The following SALL2 variants were observed in gnomAD, a reference collection of about 807,000 sequenced individuals.
The protein encoded by SALL2 is spalt like transcription factor 2.
A neutral mutation model predicts 58.5 loss-of-function variants in SALL2; 32 were observed. The observed-to-expected ratio is 0.55, with a 90% CI of 0.41 to 0.74. SALL2 has a LOEUF of 0.74. Among genes scored for constraint, SALL2 ranks in the 30% least tolerant of loss-of-function variants. The pLI is 0.00. For missense variants in SALL2, 1,201 were observed against 1,268.9 expected (o/e 0.95, Z 0.81); for synonymous variants, 516 against 513.6 (o/e 1.00, Z -0.06).
chr14:21,532,155 A>G (rs191226294), intron 1 of SALL2, among the ~76,000 whole-genome samples: 2 of 152,342 alleles, frequency 1.3e-5, no homozygotes, highest in African/African-American at 4.8e-5. Context: ...TGAGAAAAAA[A>G]GAGAAAACAT....
At chr14:21,532,909 G>A (rs1892503438) in intron 1 of SALL2, among the ~76,000 whole-genome samples, 1 of 151,320 alleles carries the variant, frequency 6.6e-6, no homozygotes, top group Non-Finnish European at 1.5e-5. Context: ...CTCGCAGTGA[G>A]CCAAGATCGC....
rs1203875325 is a variant in SALL2, at chr14:21,522,902, A to C, written c.2820T>G (p.Cys940Trp). The change falls in exon 2 of 2, where the codon TGT (cysteine) becomes TGG (tryptophan). Residue 940 changes from cysteine to tryptophan, a missense_variant. Transcript: ENST00000537235. ...CAAGAAAGCCCTGCCTGCAGAAAAC[A>C]CAAGTGAAGAGCGGCCCCTCCTTGG... ...THPKEGPLFT[C>W]VFCRQGFLER... The C allele has an allele frequency of 6.2e-7, 1 of 1,612,832 alleles. No individual in the cohort carries two copies. The highest frequency in any genetic ancestry group is 8.5e-7 in the Non-Finnish European group (1 of 1,179,392).
Position 21,522,720 on chromosome 14 carries a change from T to C in SALL2, c.3002A>G (p.Asp1001Gly), listed in dbSNP as rs1192555820. 2.0e-6 allele frequency: 3 copies of C among 1,524,236 alleles called. No homozygotes were observed. The highest frequency in any genetic ancestry group is 2.8e-5 in the African/African-American group (2 of 71,658). 94.4% of individuals were successfully genotyped at this position (1,524,236 alleles called of 1,614,324 possible). A position where few individuals can be genotyped will look rare whatever the true frequency, so the allele number is the denominator to read the frequency against. The change falls in exon 2 of 2, where the codon GAC becomes GGC. Residue 1001 changes from aspartate (D) to glycine (G), a missense_variant. By Grantham distance (94) the Asp-to-Gly change is moderately conservative (BLOSUM62 -1). This residue lies in a region of SALL2 where 675 missense variants were observed against 683.8 expected (regional missense o/e 0.99). Coordinates refer to ENST00000537235, the MANE Select transcript of SALL2 (RefSeq NM_001364564.1). ...TGLSPFPRKD[D>G]PTIP is the part of the protein sequence containing the mutation. ...AAAACAGGCTCATGGGATCGTGGGG[T>C]CATCTTTTCGGGGAAAGGGGGAGAG...
chr14:21,530,516 G>A (rs1320212691), upstream of SALL2, among the ~76,000 whole-genome samples: 24 of 152,084 alleles, frequency 1.6e-4, no homozygotes, highest in Admixed American at 3.9e-4. Flanking sequence ...TCAAACTCCC[G>A]ACCTCAGGTG....
In SALL2 at chr14:21,523,131, C is replaced by T; in HGVS notation, c.2591G>A (p.Gly864Glu). 2 of 1,614,176 alleles carry T rather than the reference C, an allele frequency of 1.2e-6. No homozygotes were observed. The highest frequency in any genetic ancestry group is 2.2e-5 in the South Asian group (2 of 91,074). Residue 864 changes from glycine to glutamate, a missense_variant, in exon 2 of 2, where the codon GGG becomes GAG. Physicochemically the swap from Gly to Glu is moderately conservative, Grantham distance 98 (BLOSUM62 -2). Around this residue, in one of 3 missense-constraint regions of SALL2, gnomAD observed 675 missense variants for 683.8 expected, o/e 0.99. Coordinates refer to ENST00000537235, the MANE Select transcript of SALL2 (RefSeq NM_001364564.1). The surrounding 1 kb of genome is among the most constrained non-coding windows in gnomAD (Gnocchi z 4.4). ...SSGVLGGKEE[G>E]GKPERSSSPA... ...ACTTGAGCTTCTCTCCGGTTTGCCC[C>T]CCTCTTCCTTGCCTCCTAAAACACC... is the stretch of plus-strand genomic sequence containing the variant.
chr14:21,526,011 G>A (rs1366080011), intron 1 of SALL2, 50 bp downstream of exon 1: 3 of 1,395,740 alleles, frequency 2.1e-6, no homozygotes, highest in Non-Finnish European at 2.9e-6. Context: ...CCGCCCCTGC[G>A]CATCCCCCTC....
intron 1 of SALL2, among the ~76,000 whole-genome samples, chr14:21,532,608 C>G (rs574336106): frequency 6.6e-6 from 1 of 151,624 alleles, no homozygotes; most frequent in Non-Finnish European, 1.5e-5. Flanking sequence ...CCACTGCACT[C>G]CAGCCTGGGC....
intron 1 of SALL2, among the ~76,000 whole-genome samples, chr14:21,531,724 T>TTTTGAGACG (rs1566517929): frequency 7.0e-6 from 1 of 143,244 alleles, no homozygotes; most frequent in African/African-American, 2.6e-5. Context: ...TTTTTTTTTT[T>TTTTGAGACG]GAGACGGAGT....
At chr14:21,528,919 G>C (rs1262616354), upstream of SALL2, among the ~76,000 whole-genome samples, 1 of 152,166 alleles carries the variant, frequency 6.6e-6, no homozygotes, top group Non-Finnish European at 1.5e-5. Flanking sequence ...TCCAGTTGCT[G>C]TTTTGTCAAG....
Position 21,524,639 on chromosome 14 carries a change from C to G in SALL2, c.1083G>C (p.Met361Ile). 6.2e-7 allele frequency: 1 copy of G among 1,614,162 alleles called. No individual in the cohort carries two copies. Among genetic ancestry groups the G allele is most frequent in the Non-Finnish European group, 8.5e-7 (1 of 1,180,028 alleles). The change falls in exon 2 of 2, where the codon ATG (methionine) becomes ATC (isoleucine). Residue 361 changes from methionine to isoleucine, a missense_variant. Met to Ile is a conservative substitution (Grantham distance 10). Coordinates refer to ENST00000537235, the MANE Select transcript of SALL2 (RefSeq NM_001364564.1). ...GSGELSYGEVMGPLEKPGGRH... is the reference protein window; with the variant it reads ...GSGELSYGEVIGPLEKPGGRH... ...TTCCACCAGGCTTCTCCAAGGGACC[C>G]ATCACTTCTCCGTAGCTCAGCTCAC...
At position 21,522,523 on chromosome 14, in the gene SALL2, G is replaced by A; in HGVS notation, c.*181C>T. The A allele has an allele frequency of 7.2e-7, 1 of 1,386,094 alleles. No homozygotes were observed. The allele number at this position is 1,386,094 out of a possible 1,614,324, so 85.9% of individuals were successfully genotyped here. On this transcript the variant is annotated 3_prime_UTR_variant, in exon 2 of 2. Transcript: ENST00000537235. ...AGGAGGGAAGAAAAATTCCTTAGGG[G>A]GCCATCCCCTTGTAAGCACAGTAAT...
upstream of SALL2, among the ~76,000 whole-genome samples, chr14:21,527,805 G>A (rs1892361297): frequency 6.6e-6 from 1 of 151,296 alleles, no homozygotes; most frequent in African/African-American, 2.4e-5. Context: ...TCACACCTGT[G>A]AATAACCACT....
intron 1 of SALL2, among the ~76,000 whole-genome samples, chr14:21,535,484 C>T (rs530772621): frequency 3.2e-4 from 48 of 152,198 alleles, no homozygotes; most frequent in African/African-American, 1.2e-3. Flanking sequence ...ATGATAATAA[C>T]GATATTCACA....
chr14:21,530,517 A>G (rs1197371483), upstream of SALL2, among the ~76,000 whole-genome samples: 19 of 151,640 alleles, frequency 1.3e-4, no homozygotes, highest in Admixed American at 3.3e-4. Flanking sequence ...CAAACTCCCG[A>G]CCTCAGGTGA....
Position 21,523,867 on chromosome 14 carries a change from C to G in SALL2, c.1855G>C (p.Ala619Pro), listed in dbSNP as rs778182613. The change falls in exon 2 of 2, where the codon GCA (alanine) becomes CCA (proline). Residue 619 changes from alanine (A) to proline (P), a missense_variant. Around this residue, in one of 3 missense-constraint regions of SALL2, gnomAD observed 675 missense variants for 683.8 expected, o/e 0.99. Transcript: ENST00000537235. The surrounding 1 kb of genome is among the most constrained non-coding windows in gnomAD (Gnocchi z 4.4). ...ASGAPTTSAP[A>P]PSSSASSGPN... ...CCAGAAGAGGCTGAGGATGAAGGTG[C>G]AGGGGCAGAGGTGGTGGGGGCTCCT... is the stretch of plus-strand genomic sequence containing the variant. 11 of 1,614,072 alleles carry G rather than the reference C, an allele frequency of 6.8e-6. No homozygotes were observed. Among genetic ancestry groups the G allele is most frequent in the Non-Finnish European group, 7.6e-6 (9 of 1,180,050 alleles).
At position 21,526,243 on chromosome 14, in the gene SALL2, A is replaced by C. The variant is rs1892305537; in HGVS notation, c.-116T>G. On this transcript the variant is annotated 5_prime_UTR_variant, in exon 1 of 2. Transcript: ENST00000537235. The stretch of plus-strand genomic sequence containing the variant: ...CTGCACCCAGCGGCCCAGACTGCGG[A>C]GATGGAGATCGGCAGCGGCGGGGGC... 2 of 1,446,284 alleles carry C rather than the reference A, an allele frequency of 1.4e-6. No individual in the cohort carries two copies. Among genetic ancestry groups the C allele is most frequent in the South Asian group, 2.7e-5 (2 of 73,392 alleles). 89.6% of individuals were successfully genotyped at this position (1,446,284 alleles called of 1,614,324 possible).
chr14:21,527,466 GACC>G (rs1892352962), upstream of SALL2, among the ~76,000 whole-genome samples: 1 of 152,170 alleles, frequency 6.6e-6, no homozygotes, highest in South Asian at 2.1e-4. Context: ...TGCAGGAAGT[GACC>G]ACAAGTCCTT....
At chr14:21,530,042 A>T (rs1299939911), upstream of SALL2, among the ~76,000 whole-genome samples, 3 of 152,000 alleles carry the variant, frequency 2.0e-5, no homozygotes, top group African/African-American at 7.3e-5. Flanking sequence ...ACACAGACAA[A>T]ATGAACTCTC....
rs372360430 is a variant in SALL2, at chr14:21,536,975, G to T, written c.-127C>A. The T allele has an allele frequency of 2.9e-5, 44 of 1,529,192 alleles. No homozygotes were observed. The South Asian group carries it at 4.8e-4, about 17-fold the overall frequency. The allele number at this position is 1,529,192 out of a possible 1,614,324, so 94.7% of individuals were successfully genotyped here. On this transcript the variant is annotated 5_prime_UTR_variant, in exon 1 of 2. Transcript: ENST00000541965. The stretch of plus-strand genomic sequence containing the variant: ...GGCAACGCTCACTTGGTCTTAACCG[G>T]GGTGACCTGGTCTCGTCTCCCCCTT...
Sources: gnomAD v4.1 joint callset for allele counts (sites outside exome capture counted in the v4.1 genomes callset) on GRCh38, gnomAD v4.1.1 for gene constraint, gnomAD v4.1.1 regional missense constraint, Gnocchi (gnomAD v3.1) non-coding constraint, MANE v1.5 for transcripts, NCBI Gene and HGNC (gene_info 2026-07-23, HGNC 2026-07-21) for gene names.